DARS1: variants seen among roughly 807,000 people sequenced by gnomAD.
The protein encoded by DARS1 is aspartyl-tRNA synthetase 1.
A neutral mutation model predicts 68.8 loss-of-function variants in DARS1; 51 were observed. The observed-to-expected ratio is 0.74, with a 90% CI of 0.59 to 0.94. DARS1 has a LOEUF of 0.94. DARS1 is among the 40% of genes least tolerant of loss of function. The pLI is 0.00. For synonymous variants in DARS1, 203 were observed against 190.4 expected (o/e 1.07, Z -0.55); for missense variants, 607 against 597.3 (o/e 1.02, Z -0.17).
At chr2:135,948,693 C>T (rs1681777947) in intron 4 of DARS1, among the ~76,000 whole-genome samples, 2 of 152,012 alleles carry the variant, frequency 1.3e-5, no homozygotes, top group African/African-American at 4.8e-5. Context: ...GGTGAAACCC[C>T]GTCTCCACTA....
intron 5 of DARS1, 30 bp from the exon 6 acceptor site, chr2:135,934,020 G>A (rs755601316): frequency 3.1e-6 from 5 of 1,600,932 alleles, no homozygotes; most frequent in Admixed American, 1.7e-5. Flanking sequence ...AAAAATAGTA[G>A]AAAGCACACA....
In DARS1 at chr2:135,961,471, T is replaced by C. The variant is rs751295343; in HGVS notation, c.245A>G (p.Gln82Arg). ...AAGAGCCTGGACATTAAACTGCTGC[T>C]GACGTAGGACTAAGAAGCACTGTTT... ...KGKQCFLVLR[Q>R]QQFNVQALVA... Residue 82 changes from glutamine (Q) to arginine (R), a missense_variant, in exon 4 of 16, where the codon CAG (glutamine) becomes CGG (arginine). Gln to Arg is a conservative substitution (Grantham distance 43). Coordinates refer to ENST00000264161, the MANE Select transcript of DARS1 (RefSeq NM_001349.4). The C allele has an allele frequency of 6.6e-7, 1 of 1,525,318 alleles. No individual in the cohort carries two copies. The highest frequency in any genetic ancestry group is 9.1e-7 in the Non-Finnish European group (1 of 1,098,822). The allele number at this position is 1,525,318 out of a possible 1,614,324, so 94.5% of individuals were successfully genotyped here.
chr2:135,918,464 A>G (rs912082451), intron 10 of DARS1, among the ~76,000 whole-genome samples: 13 of 152,198 alleles, frequency 8.5e-5, no homozygotes, highest in Admixed American at 7.9e-4. Flanking sequence ...AACATGACAC[A>G]GGTCAGATAA....
At chr2:135,963,408 G>C (rs990006713) in intron 3 of DARS1, among the ~76,000 whole-genome samples, 1 of 143,662 alleles carries the variant, frequency 7.0e-6, no homozygotes, top group South Asian at 2.2e-4. Context: ...TTTTGCTCTT[G>C]TTGCCCAGGC....
At chr2:135,914,087 A>G (rs1476323129) in intron 12 of DARS1, among the ~76,000 whole-genome samples, 3 of 152,194 alleles carry the variant, frequency 2.0e-5, no homozygotes, top group African/African-American at 7.2e-5. Context: ...CTATTACATA[A>G]GAGGGAGAGA....
chr2:135,924,529 C>A lies in DARS1; in HGVS notation c.565-31G>T. 4 of 1,585,744 alleles carry A rather than the reference C, an allele frequency of 2.5e-6. No individual in the cohort carries two copies. In the South Asian group the frequency reaches 4.7e-5, roughly 19 times the overall value. ...AGACAGTAATAAAATCTAATTAAAT[C>A]AACGTACTTAATTACTAAGCACTAA... On this transcript the variant is annotated intron_variant, in intron 7 of 15. Transcript: ENST00000264161.
chr2:135,971,070 A>G (rs910077390), intron 3 of DARS1, among the ~76,000 whole-genome samples: 3 of 152,240 alleles, frequency 2.0e-5, no homozygotes, highest in African/African-American at 7.2e-5. Context: ...ACAGAGGAAG[A>G]GAAAATACTT....
intron 3 of DARS1, among the ~76,000 whole-genome samples, chr2:135,965,951 T>C (rs565397878): frequency 1.1e-4 from 16 of 152,158 alleles, no homozygotes; most frequent in Non-Finnish European, 1.9e-4. Flanking sequence ...GAGACCAAGC[T>C]CTTGTCATGT....
intron 13 of DARS1, 87 bp from the exon 14 acceptor site, chr2:135,911,580 A>G: frequency 1.5e-6 from 1 of 674,116 alleles, no homozygotes; most frequent in Non-Finnish European, 2.6e-6. Context: ...CTGCATGAAG[A>G]GCAAGTTCAT....
intron 12 of DARS1, 82 bp from the exon 13 acceptor site, chr2:135,912,648 A>C: frequency 1.6e-6 from 1 of 607,862 alleles, no homozygotes; most frequent in Non-Finnish European, 2.9e-6. Context: ...TTATACAAAA[A>C]TTTTGGTTCT....
At chr2:135,985,363 G>C (rs1575412181) in intron 1 of DARS1, 40 bp downstream of exon 1, 1 of 1,607,594 alleles carries the variant, frequency 6.2e-7, no homozygotes, top group Non-Finnish European at 8.5e-7. Flanking sequence ...GCCCGGCCCA[G>C]GGGTCTGTCC....
At position 135,932,750 on chromosome 2, in the gene DARS1, A is replaced by G. The variant is rs369285406; in HGVS notation, c.564+33T>C. 1.8e-5 allele frequency: 17 copies of G among 971,030 alleles called. No individual in the cohort carries two copies. In the African/African-American group the frequency reaches 1.8e-4, roughly 10 times the overall value. The allele number at this position is 971,030 out of a possible 1,614,324, so 60.2% of individuals were successfully genotyped here. ...TCCCTGCCCCTCTCTAATGCGGCAT[A>G]ATTGCTTCACTTAATAAATAAATGA... On this transcript the variant is annotated intron_variant, in intron 7 of 15. Coordinates refer to ENST00000264161, the MANE Select transcript of DARS1 (RefSeq NM_001349.4).
chr2:135,932,885 A>G, intron 6 of DARS1, 43 bp from the exon 7 acceptor site: 3 of 935,186 alleles, frequency 3.2e-6, no homozygotes, highest in Middle Eastern at 2.5e-4. Context: ...AATTTTACTA[A>G]TATTTTGAAG....
chr2:135,917,207 T>G (rs1681024786), intron 10 of DARS1, among the ~76,000 whole-genome samples: 1 of 152,060 alleles, frequency 6.6e-6, no homozygotes, highest in Non-Finnish European at 1.5e-5. Context: ...TGCTGGAGTA[T>G]TTATGTATTA....
At chr2:135,985,036 G>A (rs182874785) in intron 1 of DARS1, 1 of 281,696 alleles carries the variant, frequency 3.5e-6, no homozygotes, top group Admixed American at 4.6e-5. Context: ...AGTACATATC[G>A]ATTACTAGTG....
intron 8 of DARS1, 39 bp downstream of exon 8, chr2:135,924,348 T>A (rs1436917212): frequency 6.5e-7 from 1 of 1,539,082 alleles, no homozygotes; most frequent in East Asian, 2.4e-5. Flanking sequence ...GGAGAGCAAA[T>A]TTATTTTTAA....
intron 11 of DARS1, 107 bp from the exon 12 acceptor site, chr2:135,914,618 C>A (rs1349813356): frequency 4.2e-5 from 33 of 795,078 alleles, no homozygotes; most frequent in Non-Finnish European, 6.7e-6. Context: ...AAAATTTGGC[C>A]AGAACACGCA....
chr2:135,930,628 T>C (rs1467161821), intron 7 of DARS1, among the ~76,000 whole-genome samples: 1 of 152,192 alleles, frequency 6.6e-6, no homozygotes, highest in Non-Finnish European at 1.5e-5. Flanking sequence ...AAATATTTTG[T>C]AGACTAGCTA....
intron 3 of DARS1, among the ~76,000 whole-genome samples, chr2:135,975,209 G>A (rs2104845694): frequency 6.6e-6 from 1 of 152,170 alleles, no homozygotes; most frequent in South Asian, 2.1e-4. Flanking sequence ...GCCGGGCGTG[G>A]TGGCAGGTGT....
Sources: allele counts gnomAD v4.1 joint callset (sites outside exome capture counted in the v4.1 genomes callset), GRCh38; gene constraint gnomAD v4.1.1; transcripts MANE v1.5; gene names NCBI Gene and HGNC (gene_info 2026-07-23, HGNC 2026-07-21).